The following GRIK2 variants were observed in gnomAD, a reference collection of about 807,000 sequenced individuals.
GRIK2 encodes glutamate ionotropic receptor kainate type subunit 2, also known as glutamate receptor ionotropic, kainate 2.
In GRIK2, 32 loss-of-function variants were observed where a neutral mutation model predicts 100.3. The ratio of observed to expected loss-of-function variants is 0.32; its 90% CI spans 0.24 to 0.43. The LOEUF is 0.43. Ranked by LOEUF, GRIK2 falls within the 20% of genes least tolerant of loss-of-function variation. GRIK2 has a pLI of 1.00. For missense variants in GRIK2, 843 were observed against 1,114.9 expected (o/e 0.76, Z 3.47); for synonymous variants, 417 against 389.4 (o/e 1.07, Z -0.83).
chr6:101,670,073 T>A (rs963577446), intron 4 of GRIK2, among the ~76,000 whole-genome samples: 3 of 152,094 alleles, frequency 2.0e-5, no homozygotes, highest in Admixed American at 6.6e-5. Flanking sequence ...TCTGTCTGAT[T>A]GAAATAGTAA....
intron 16 of GRIK2, among the ~76,000 whole-genome samples, chr6:102,060,973 A>G (rs997923433): frequency 6.7e-6 from 1 of 150,334 alleles, no homozygotes; most frequent in Non-Finnish European, 1.5e-5. Flanking sequence ...CAATTTTTTT[A>G]TTGTTTTTAT....
rs3213607 is a variant in GRIK2 at position 102,035,481 on chromosome 6, C to T, written c.2226C>T (p.Ile742=). 4.8e-5 allele frequency: 78 copies of T among 1,608,960 alleles called. No individual in the cohort carries two copies. The highest frequency in any genetic ancestry group is 1.7e-4 in the Middle Eastern group (1 of 6,054). ...CTTTCCTAATGGAGTCAACAACCAT[C>T]GAGTTTGTTACCCAGCGGAACTGTA... The part of the protein sequence containing the change: ...DYAFLMESTT[I]EFVTQRNCNL... Residue 742 remains isoleucine, a synonymous_variant, in exon 15 of 17, where the codon ATC becomes ATT. Transcript: ENST00000369134.
intron 14 of GRIK2, among the ~76,000 whole-genome samples, chr6:101,980,770 T>C (rs1793665305): frequency 6.6e-6 from 1 of 151,794 alleles, no homozygotes; most frequent in African/African-American, 2.4e-5. Context: ...CGTGGAGTCA[T>C]TTAAAAGATT....
At chr6:101,566,982 CAT>C (rs1251952643) in intron 2 of GRIK2, among the ~76,000 whole-genome samples, 4 of 150,424 alleles carry the variant, frequency 2.7e-5, no homozygotes, top group Non-Finnish European at 5.9e-5. Flanking sequence ...ATATGACTAT[CAT>C]ATAAAATATA....
chr6:102,038,100 G>A (rs1341845729), intron 15 of GRIK2, among the ~76,000 whole-genome samples: 2 of 151,354 alleles, frequency 1.3e-5, no homozygotes, highest in African/African-American at 4.8e-5. Flanking sequence ...GAAGAGGATT[G>A]TATATCTCAG....
intron 10 of GRIK2, among the ~76,000 whole-genome samples, chr6:101,837,190 T>A (rs552927782): frequency 3.3e-4 from 50 of 152,300 alleles, no homozygotes; most frequent in Non-Finnish European, 6.6e-4. Context: ...TTTTAAACAT[T>A]GATGTCCAGG....
chr6:101,944,003 G>T (rs544985430), intron 14 of GRIK2, among the ~76,000 whole-genome samples: 32 of 152,248 alleles, frequency 2.1e-4, no homozygotes, highest in African/African-American at 7.7e-4. Context: ...TGAAGGAGGG[G>T]CCTGGCAGGA....
intron 4 of GRIK2, among the ~76,000 whole-genome samples, chr6:101,632,561 C>A (rs1562273699): frequency 6.6e-6 from 1 of 152,064 alleles, no homozygotes; most frequent in Non-Finnish European, 1.5e-5. Context: ...GGACATGACT[C>A]TTTTATGATT....
At chr6:101,734,565 C>T (rs552721576) in intron 7 of GRIK2, among the ~76,000 whole-genome samples, 1 of 152,180 alleles carries the variant, frequency 6.6e-6, no homozygotes, top group African/African-American at 2.4e-5. Context: ...TCATGTTTGT[C>T]AAAGTATTTG....
intron 11 of GRIK2, among the ~76,000 whole-genome samples, chr6:101,888,382 T>G (rs1435771689): frequency 2.0e-5 from 3 of 152,176 alleles, no homozygotes; most frequent in Non-Finnish European, 2.9e-5. Flanking sequence ...ACAATTCCTG[T>G]GAAGTTCTTA....
intron 2 of GRIK2, among the ~76,000 whole-genome samples, chr6:101,611,384 C>T (rs1779669236): frequency 1.3e-5 from 2 of 151,792 alleles, no homozygotes; most frequent in South Asian, 4.1e-4. Context: ...AAGATGTATG[C>T]AAGTGGACCT....
chr6:101,525,413 G>A (rs1175450499), intron 2 of GRIK2, among the ~76,000 whole-genome samples: 1 of 152,146 alleles, frequency 6.6e-6, no homozygotes, highest in Non-Finnish European at 1.5e-5. Context: ...TTATGGTGGT[G>A]TGTGAGTTCT....
At chr6:101,488,707 T>G (rs1451752322) in intron 2 of GRIK2, among the ~76,000 whole-genome samples, 1 of 146,826 alleles carries the variant, frequency 6.8e-6, no homozygotes, top group African/African-American at 2.6e-5. Flanking sequence ...TCTAAATTAT[T>G]TTATTTAGGT....
intron 2 of GRIK2, among the ~76,000 whole-genome samples, chr6:101,433,863 T>G (rs945865094): frequency 1.3e-5 from 2 of 152,180 alleles, no homozygotes; most frequent in African/African-American, 4.8e-5. Context: ...ACCAGTTGCT[T>G]ATGTAAATTA....
intron 2 of GRIK2, among the ~76,000 whole-genome samples, chr6:101,505,567 A>G (rs1236760548): frequency 6.6e-6 from 1 of 152,168 alleles, no homozygotes; most frequent in African/African-American, 2.4e-5. Context: ...ATAATTGCAT[A>G]GACATTTCCT....
intron 12 of GRIK2, among the ~76,000 whole-genome samples, chr6:101,901,654 T>A (rs1037900022): frequency 3.3e-5 from 5 of 151,940 alleles, no homozygotes; most frequent in African/African-American, 1.2e-4. Context: ...GTTAATTTCC[T>A]ATAACAAATA....
At chr6:101,622,809 T>C (rs1022476511) in intron 3 of GRIK2, among the ~76,000 whole-genome samples, 1 of 151,894 alleles carries the variant, frequency 6.6e-6, no homozygotes, top group Non-Finnish European at 1.5e-5. Context: ...AAATTTAATA[T>C]TTATATATGA....
chr6:101,616,750 TTTTTCTA>T (rs1431345620), intron 2 of GRIK2, among the ~76,000 whole-genome samples: 3 of 151,822 alleles, frequency 2.0e-5, no homozygotes, highest in Non-Finnish European at 4.4e-5. Flanking sequence ...TGTCGATTTA[TTTTTCTA>T]TTCAGCTGTG....
At chr6:101,494,611 C>T (rs1461918333) in intron 2 of GRIK2, among the ~76,000 whole-genome samples, 1 of 151,666 alleles carries the variant, frequency 6.6e-6, no homozygotes, top group African/African-American at 2.4e-5. Context: ...CATCTTAATA[C>T]ATTTAAAAAC....
Sources: gnomAD v4.1 joint callset for allele counts (sites outside exome capture counted in the v4.1 genomes callset) on GRCh38, gnomAD v4.1.1 for gene constraint, MANE v1.5 for transcripts, NCBI Gene and HGNC (gene_info 2026-07-23, HGNC 2026-07-21) for gene names.